The following NR5A2 variants were observed in gnomAD, a reference collection of about 807,000 sequenced individuals.
NR5A2 encodes CYP7A promoter-binding factor.
In NR5A2, 26 loss-of-function variants were observed where a neutral mutation model predicts 62.7. The observed-to-expected ratio is 0.41, with a 90% CI of 0.30 to 0.58. NR5A2 has a LOEUF of 0.58. Ranked by LOEUF, NR5A2 falls within the 20% of genes least tolerant of loss-of-function variation. NR5A2 has a pLI of 0.22. For synonymous variants in NR5A2, 246 were observed against 241.7 expected (o/e 1.02, Z -0.16); for missense variants, 541 against 669.1 (o/e 0.81, Z 2.11).
intron 1 of NR5A2, among the ~76,000 whole-genome samples, chr1:200,034,996 AG>A (rs1437274710): frequency 6.6e-6 from 1 of 151,990 alleles, no homozygotes; most frequent in African/African-American, 2.4e-5. Context: ...CCTCTGAGCC[AG>A]GGAATGAAAC....
chr1:200,132,629 C>T (rs1031852689), intron 7 of NR5A2, among the ~76,000 whole-genome samples: 1 of 152,282 alleles, frequency 6.6e-6, no homozygotes, highest in African/African-American at 2.4e-5. Flanking sequence ...CCCAACTCCT[C>T]TGAAAGGAGA....
intron 7 of NR5A2, among the ~76,000 whole-genome samples, chr1:200,167,829 C>T (rs1653976669): frequency 1.3e-5 from 2 of 152,182 alleles, no homozygotes; most frequent in African/African-American, 4.8e-5. Context: ...GCGTTCTCTT[C>T]CACGCGTTGC....
At chr1:200,143,003 A>AT (rs1219047566) in intron 7 of NR5A2, among the ~76,000 whole-genome samples, 1 of 152,088 alleles carries the variant, frequency 6.6e-6, no homozygotes, top group Non-Finnish European at 1.5e-5. Flanking sequence ...CCTTAGCAAT[A>AT]TATATCTTGC....
chr1:200,043,650 G>GT, intron 2 of NR5A2, 124 bp from the exon 3 acceptor site: 1 of 572,942 alleles, frequency 1.7e-6, no homozygotes, highest in African/African-American at 1.9e-5. Flanking sequence ...GCTAAAAATT[G>GT]TTTTTATTTT....
chr1:200,055,541 C>T (rs774737778), intron 5 of NR5A2, among the ~76,000 whole-genome samples: 7 of 152,150 alleles, frequency 4.6e-5, no homozygotes, highest in South Asian at 2.1e-4. Flanking sequence ...GGATCCTGCT[C>T]GGTGTCTACC....
chr1:200,085,792 A>G (rs777152262), intron 5 of NR5A2, among the ~76,000 whole-genome samples: 5 of 152,216 alleles, frequency 3.3e-5, no homozygotes, highest in African/African-American at 1.2e-4. Flanking sequence ...TCCTGAACAT[A>G]TATCTCAGCA....
chr1:200,086,837 A>G (rs1217614197), intron 5 of NR5A2, among the ~76,000 whole-genome samples: 1 of 152,066 alleles, frequency 6.6e-6, no homozygotes, highest in Non-Finnish European at 1.5e-5. Flanking sequence ...TACGGAGTTC[A>G]AGACTAGCCT....
At chr1:200,136,430 T>A (rs1186566636) in intron 7 of NR5A2, among the ~76,000 whole-genome samples, 1 of 152,246 alleles carries the variant, frequency 6.6e-6, no homozygotes, top group Non-Finnish European at 1.5e-5. Context: ...TTATAATAGC[T>A]ACATCTTATT....
intron 7 of NR5A2, among the ~76,000 whole-genome samples, chr1:200,151,740 G>T (rs1490636679): frequency 6.6e-6 from 1 of 152,180 alleles, no homozygotes; most frequent in Non-Finnish European, 1.5e-5. Flanking sequence ...CGTGGTTTTT[G>T]TTTCTGGTTT....
At chr1:200,090,034 T>C (rs944853663) in intron 5 of NR5A2, among the ~76,000 whole-genome samples, 1 of 152,138 alleles carries the variant, frequency 6.6e-6, no homozygotes, top group Non-Finnish European at 1.5e-5. Flanking sequence ...AAATGGGGAC[T>C]ATCTGGCAAA....
At chr1:200,134,133 A>T (rs1047606957) in intron 7 of NR5A2, among the ~76,000 whole-genome samples, 105 of 152,352 alleles carry the variant, frequency 6.9e-4, no homozygotes, top group African/African-American at 2.3e-3. Context: ...GCTTAAAGAA[A>T]TTGAAAAGTT....
intron 6 of NR5A2, among the ~76,000 whole-genome samples, chr1:200,111,976 C>T (rs976049301): frequency 2.0e-5 from 3 of 151,836 alleles, no homozygotes; most frequent in Admixed American, 1.3e-4. Flanking sequence ...AGGTTCCTGC[C>T]CCTGCGGAAC....
intron 1 of NR5A2, among the ~76,000 whole-genome samples, chr1:200,028,438 A>AC (rs1558090837): frequency 2.0e-5 from 3 of 151,080 alleles, no homozygotes; most frequent in Non-Finnish European, 3.0e-5. Flanking sequence ...AAAAAAAAAA[A>AC]AAAAACCAAA....
chr1:200,138,104 T>C (rs1667303541), intron 7 of NR5A2, among the ~76,000 whole-genome samples: 1 of 152,230 alleles, frequency 6.6e-6, no homozygotes, highest in African/African-American at 2.4e-5. Flanking sequence ...CGTTATATAA[T>C]GTACCCCACA....
intron 5 of NR5A2, among the ~76,000 whole-genome samples, chr1:200,103,512 T>G (rs1001552529): frequency 6.6e-6 from 1 of 152,138 alleles, no homozygotes; most frequent in African/African-American, 2.4e-5. Flanking sequence ...GAAAGATGCC[T>G]ACAGCAAAGA....
At chr1:200,029,063 T>C (rs1366969308) in intron 1 of NR5A2, 1 of 448,730 alleles carries the variant, frequency 2.2e-6, no homozygotes, top group Non-Finnish European at 4.5e-6. Flanking sequence ...ACAAGAAAGA[T>C]GAGAGAGCAG....
intron 7 of NR5A2, among the ~76,000 whole-genome samples, chr1:200,159,011 C>T (rs921430898): frequency 6.6e-6 from 1 of 151,848 alleles, no homozygotes; most frequent in African/African-American, 2.4e-5. Flanking sequence ...CCCCCCGCCT[C>T]AGACTCCTGA....
intron 1 of NR5A2, chr1:200,028,911 G>T: frequency 8.1e-6 from 2 of 248,046 alleles, no homozygotes; most frequent in Admixed American, 5.0e-5. Flanking sequence ...CTTTTTTTAT[G>T]GGCCAACTAC....
At chr1:200,076,355 A>G (rs1282278170) in intron 5 of NR5A2, among the ~76,000 whole-genome samples, 2 of 152,146 alleles carry the variant, frequency 1.3e-5, no homozygotes, top group African/African-American at 2.4e-5. Context: ...TGTTCACGGG[A>G]CAATGCCATT....
Sources: allele counts gnomAD v4.1 joint callset (sites outside exome capture counted in the v4.1 genomes callset), GRCh38; gene constraint gnomAD v4.1.1; transcripts MANE v1.5; gene names NCBI Gene and HGNC (gene_info 2026-07-23, HGNC 2026-07-21).